ERBB4: variants seen among roughly 807,000 people sequenced by gnomAD.
The protein encoded by ERBB4 is receptor tyrosine-protein kinase erbB-4.
ERBB4 carries 42 observed loss-of-function variants against 158.0 expected under a neutral mutation model. The ratio of observed to expected loss-of-function variants is 0.27; its 90% CI spans 0.21 to 0.34. The LOEUF (loss-of-function observed/expected upper bound fraction) is 0.34. Among genes scored for constraint, ERBB4 ranks in the 10% least tolerant of loss-of-function variants. ERBB4 has a pLI of 1.00. For missense variants in ERBB4, 1,333 were observed against 1,624.1 expected, an observed-to-expected ratio of 0.82 and a Z score of 3.08; for synonymous variants, 583 against 558.7, an observed-to-expected ratio of 1.04 and a Z score of -0.61.
chr2:211,850,196 T>C (rs1317943393), intron 3 of ERBB4, among the ~76,000 whole-genome samples: 1 of 151,876 alleles, frequency 6.6e-6, no homozygotes, highest in East Asian at 1.9e-4. Context: ...AATAATCCAG[T>C]GAGAATTCCC....
intron 7 of ERBB4, 59 bp from the exon 8 acceptor site, chr2:211,713,707 C>T (rs919270515): frequency 4.0e-6 from 4 of 1,005,026 alleles, no homozygotes; most frequent in African/African-American, 3.2e-5. Context: ...AGCAAACAAG[C>T]TCAAAACAAG....
rs750018018 is a variant in ERBB4 at position 211,722,550 on chromosome 2, T to C, written c.742-16A>G. 8 of 1,613,260 alleles carry C rather than the reference T, an allele frequency of 5.0e-6. No individual in the cohort carries two copies. In the African/African-American group the frequency reaches 9.3e-5, roughly 19 times the overall value. On this transcript the variant is annotated splice_polypyrimidine_tract_variant and intron_variant, in intron 6 of 27. Coordinates refer to ENST00000342788, the MANE Select transcript of ERBB4 (RefSeq NM_005235.3). ...TCATGCAGGCCTGCAACACAGCAAA[T>C]ATTACTTTCATTTACAAATAAACTC...
At chr2:211,931,085 G>C (rs1257798508) in intron 3 of ERBB4, among the ~76,000 whole-genome samples, 10 of 152,016 alleles carry the variant, frequency 6.6e-5, no homozygotes, top group Non-Finnish European at 1.3e-4. Context: ...TGTGTTAAAG[G>C]CTTGGCACCA....
At chr2:212,062,350 C>G (rs558579340) in intron 2 of ERBB4, among the ~76,000 whole-genome samples, 30 of 147,960 alleles carry the variant, frequency 2.0e-4, no homozygotes, top group African/African-American at 7.3e-4. Context: ...TGACTGCAGT[C>G]TCACTCCAGC....
Position 211,429,793 on chromosome 2 carries a change from A to G in ERBB4, c.2643+1152T>C, listed in dbSNP as rs114120654. Among the ~76,000 whole-genome samples, 509 of 152,330 alleles carry G rather than the reference A, an allele frequency of 3.3e-3. 3 individuals are homozygous for G. The highest frequency in any genetic ancestry group is 0.012 in the African/African-American group (481 of 41,574). ...TTAGCAGACTTTATGGACTACGGACATTGTGTTAAAGAAGTAAGTTTAAAT... is the reference window on the plus strand; with the variant it reads ...TTAGCAGACTTTATGGACTACGGACGTTGTGTTAAAGAAGTAAGTTTAAAT... On this transcript the variant is annotated intron_variant, in intron 21 of 27. Transcript: ENST00000342788.
At chr2:212,471,745 T>C (rs991291977) in intron 1 of ERBB4, among the ~76,000 whole-genome samples, 4 of 151,946 alleles carry the variant, frequency 2.6e-5, no homozygotes, top group African/African-American at 9.7e-5. Context: ...AGTTACATTT[T>C]GCATATGTAA....
intron 5 of ERBB4, among the ~76,000 whole-genome samples, chr2:211,735,222 T>TAAA (rs67997650): frequency 0.026 from 3,964 of 150,398 alleles, 169 homozygotes; most frequent in African/African-American, 0.091. Context: ...CACATGAATT[T>TAAA]AAAAAAAAAA....
rs1368804248 is a variant in ERBB4, at chr2:211,378,203, A to G, written c.*5412T>C. The G allele has an allele frequency of 4.3e-6, 1 of 233,136 alleles. No individual in the cohort carries two copies. The highest frequency in any genetic ancestry group is 6.0e-5 in the East Asian group (1 of 16,554). 14.4% of individuals were successfully genotyped at this position (233,136 alleles called of 1,614,324 possible). On this transcript the variant is annotated 3_prime_UTR_variant, in exon 28 of 28. Transcript: ENST00000342788. Reference sequence around the variant, plus strand: ...AATACATTTTTCTTTGATTCCTAACAAGGTAATCACTTACTTGCAAAGCTG... The same window carrying G: ...AATACATTTTTCTTTGATTCCTAACGAGGTAATCACTTACTTGCAAAGCTG...
chr2:211,924,094 C>A (rs1284634155), intron 3 of ERBB4, among the ~76,000 whole-genome samples: 1 of 152,064 alleles, frequency 6.6e-6, no homozygotes, highest in Admixed American at 6.6e-5. Flanking sequence ...CTCATGGAAA[C>A]CCCACACTAG....
intron 12 of ERBB4, among the ~76,000 whole-genome samples, chr2:211,696,998 C>A (rs556034539): frequency 2.0e-5 from 3 of 152,114 alleles, no homozygotes; most frequent in African/African-American, 7.2e-5. Context: ...AGAGGAATCA[C>A]GGTGAAATGA....
At chr2:212,451,510 A>T (rs2092445684) in intron 1 of ERBB4, among the ~76,000 whole-genome samples, 1 of 152,202 alleles carries the variant, frequency 6.6e-6, no homozygotes, top group Non-Finnish European at 1.5e-5. Context: ...ATAAAAATCA[A>T]ATTATATAGT....
chr2:211,539,669 C>T (rs2066746715), intron 20 of ERBB4, among the ~76,000 whole-genome samples: 1 of 151,906 alleles, frequency 6.6e-6, no homozygotes, highest in African/African-American at 2.4e-5. Flanking sequence ...TTAAGTGACT[C>T]CTTATAGTTC....
At chr2:211,565,739 A>C (rs2067527115) in intron 19 of ERBB4, among the ~76,000 whole-genome samples, 1 of 152,074 alleles carries the variant, frequency 6.6e-6, no homozygotes. Flanking sequence ...GTTTATCGTG[A>C]GGTTTAACAT....
chr2:212,078,803 T>C (rs550554513), intron 2 of ERBB4, among the ~76,000 whole-genome samples: 1 of 151,434 alleles, frequency 6.6e-6, no homozygotes, highest in Admixed American at 6.6e-5. Flanking sequence ...ATATGAAAAG[T>C]AATTAATACT....
intron 2 of ERBB4, among the ~76,000 whole-genome samples, chr2:212,054,106 C>A (rs1465317933): frequency 6.6e-6 from 1 of 152,054 alleles, no homozygotes; most frequent in African/African-American, 2.4e-5. Flanking sequence ...AGTATTGCAC[C>A]TGTCCTCATC....
rs528542766 is a variant in ERBB4 at position 212,306,569 on chromosome 2, C to T, written c.83-181666G>A. 5.3e-3 allele frequency among the ~76,000 whole-genome samples: 805 copies of T among 151,446 alleles called. 4 individuals are homozygous for T. The highest frequency in any genetic ancestry group is 0.017 in the Middle Eastern group (5 of 294). ...GTCATGTTAATAGTGAAATAAATTG[C>T]TCTAATTGCCAGAAAACTTCATCAA... On this transcript the variant is annotated intron_variant, in intron 1 of 27. Transcript: ENST00000342788.
chr2:212,486,397 G>A (rs1190553802), intron 1 of ERBB4, among the ~76,000 whole-genome samples: 2 of 152,014 alleles, frequency 1.3e-5, no homozygotes, highest in Non-Finnish European at 1.5e-5. Flanking sequence ...CAAATAAGGC[G>A]GGGGAGGTGG....
At chr2:212,247,283 T>C (rs990687282) in intron 1 of ERBB4, among the ~76,000 whole-genome samples, 1 of 152,176 alleles carries the variant, frequency 6.6e-6, no homozygotes, top group Non-Finnish European at 1.5e-5. Flanking sequence ...AATTCTTCTG[T>C]AGAAAACATT....
intron 1 of ERBB4, among the ~76,000 whole-genome samples, chr2:212,175,131 T>C (rs141460881): frequency 1.3e-5 from 2 of 152,214 alleles, no homozygotes. Context: ...AACTTTCTTC[T>C]AATTTCAGAG....
Sources: allele counts gnomAD v4.1 joint callset (sites outside exome capture counted in the v4.1 genomes callset), GRCh38; gene constraint gnomAD v4.1.1; transcripts MANE v1.5; gene names NCBI Gene and HGNC (gene_info 2026-07-23, HGNC 2026-07-21).